NAALADL2: variants seen among roughly 807,000 people sequenced by gnomAD.
NAALADL2 encodes N-acetylated alpha-linked acidic dipeptidase like 2.
NAALADL2 carries 76 observed loss-of-function variants against 87.2 expected under a neutral mutation model. That is an observed-to-expected ratio of 0.87 (90% CI 0.72 to 1.05). NAALADL2 has a LOEUF of 1.05. Among genes scored for constraint, NAALADL2 ranks in the 50% least tolerant of loss-of-function variants. The probability of loss-of-function intolerance (pLI) is 0.00; values close to 1 mark genes in which losing one functional copy is unlikely to be tolerated. For missense variants in NAALADL2, 1,089 were observed against 945.8 expected, an observed-to-expected ratio of 1.15 and a Z score of -1.99; for synonymous variants, 354 against 331.0, an observed-to-expected ratio of 1.07 and a Z score of -0.75.
intron 2 of NAALADL2, among the ~76,000 whole-genome samples, chr3:174,629,490 T>C (rs1196391072): frequency 6.6e-6 from 1 of 152,234 alleles, no homozygotes; most frequent in East Asian, 1.9e-4. Flanking sequence ...CTCTTTTGAT[T>C]TGCACACAAT....
At chr3:175,414,597 T>C (rs1220409624) in intron 5 of NAALADL2, among the ~76,000 whole-genome samples, 1 of 152,182 alleles carries the variant, frequency 6.6e-6, no homozygotes, top group Non-Finnish European at 1.5e-5. Context: ...TATTATATGC[T>C]AAAAGAAAGG....
intron 3 of NAALADL2, among the ~76,000 whole-genome samples, chr3:174,846,882 C>T (rs1724681869): frequency 2.0e-5 from 3 of 151,966 alleles, no homozygotes; most frequent in Admixed American, 6.6e-5. Context: ...AGATATAAGA[C>T]CATAGATGAG....
chr3:175,140,606 G>C (rs577181699), intron 2 of NAALADL2, among the ~76,000 whole-genome samples: 3 of 152,208 alleles, frequency 2.0e-5, no homozygotes, highest in Admixed American at 2.0e-4. Flanking sequence ...ACATACCATG[G>C]GGGGAGGTGC....
chr3:175,786,386 G>A (rs1443458412), intron 13 of NAALADL2, among the ~76,000 whole-genome samples: 2 of 152,186 alleles, frequency 1.3e-5, no homozygotes, highest in Non-Finnish European at 2.9e-5. Context: ...ACTTCTTGGA[G>A]GCTTTGCTCA....
At chr3:175,040,080 C>CTCCA (rs1189243696) in intron 1 of NAALADL2, among the ~76,000 whole-genome samples, 1 of 152,188 alleles carries the variant, frequency 6.6e-6, no homozygotes, top group Non-Finnish European at 1.5e-5. Context: ...CTCTTACAAG[C>CTCCA]TCCAGTCTTG....
chr3:175,441,024 G>T (rs1358653469), intron 5 of NAALADL2, among the ~76,000 whole-genome samples: 1 of 151,824 alleles, frequency 6.6e-6, no homozygotes, highest in Admixed American at 6.6e-5. Flanking sequence ...TAGTTAATTT[G>T]GGGGAGGGTG....
chr3:175,572,680 G>A (rs1718263384), intron 9 of NAALADL2, among the ~76,000 whole-genome samples: 1 of 152,192 alleles, frequency 6.6e-6, no homozygotes, highest in Non-Finnish European at 1.5e-5. Flanking sequence ...GCTATAGCAA[G>A]AACAGAGAGA....
At chr3:174,526,533 G>A (rs113142414) in intron 1 of NAALADL2, among the ~76,000 whole-genome samples, 3,083 of 152,000 alleles carry the variant, frequency 0.02, 106 homozygotes, top group African/African-American at 0.07. Context: ...TATTATTTGT[G>A]GTAAATGGAT....
At chr3:175,781,075 A>G (rs1431937941) in intron 13 of NAALADL2, among the ~76,000 whole-genome samples, 1 of 152,194 alleles carries the variant, frequency 6.6e-6, no homozygotes, top group African/African-American at 2.4e-5. Context: ...GTCAACACTT[A>G]TTTTTAAGAG....
At position 175,240,676 on chromosome 3, in the gene NAALADL2, A is replaced by T. The variant is rs552004964; in HGVS notation, c.819+6472A>T. Among the ~76,000 whole-genome samples the T allele has an allele frequency of 8.5e-5, 13 of 152,294 alleles. 1 individual carries two copies. In the East Asian group the frequency reaches 2.5e-3, roughly 29 times the overall value. On this transcript the variant is annotated intron_variant, in intron 3 of 13. Coordinates refer to ENST00000454872, the MANE Select transcript of NAALADL2 (RefSeq NM_207015.3). ...TTTGTTTGTTTGTTTGTTTTTTGAG[A>T]TGGAGTTTCGCTCTTGTTGCCCAGG...
chr3:175,415,388 G>A (rs1560514598), intron 5 of NAALADL2, among the ~76,000 whole-genome samples: 2 of 152,046 alleles, frequency 1.3e-5, no homozygotes, highest in African/African-American at 4.8e-5. Flanking sequence ...AGAACAACTC[G>A]GTTAAGCTGC....
chr3:174,488,552 T>G (rs925052526), intron 1 of NAALADL2, among the ~76,000 whole-genome samples: 1 of 152,072 alleles, frequency 6.6e-6, no homozygotes, highest in Non-Finnish European at 1.5e-5. Context: ...TTACTAAGGA[T>G]GCAGTATGTA....
At chr3:174,802,577 C>T (rs548707625) in intron 3 of NAALADL2, among the ~76,000 whole-genome samples, 185 of 152,234 alleles carry the variant, frequency 1.2e-3, no homozygotes, top group Non-Finnish European at 1.6e-3. Flanking sequence ...TGGTTTGCTG[C>T]GACCATCAAT....
At chr3:175,256,618 T>A in intron 4 of NAALADL2, 88 bp downstream of exon 4, 1 of 1,313,646 alleles carries the variant, frequency 7.6e-7, no homozygotes, top group Non-Finnish European at 1.1e-6. Context: ...GTGGAGTGTG[T>A]GTGTGCATAT....
chr3:175,389,257 A>T (rs1768788778), intron 5 of NAALADL2, among the ~76,000 whole-genome samples: 1 of 152,090 alleles, frequency 6.6e-6, no homozygotes, highest in Non-Finnish European at 1.5e-5. Context: ...ATAGGGTTGG[A>T]TTTTTTCCAG....
At chr3:174,450,668 A>C (rs921170792) in intron 1 of NAALADL2, among the ~76,000 whole-genome samples, 4 of 152,012 alleles carry the variant, frequency 2.6e-5, no homozygotes, top group African/African-American at 9.7e-5. Flanking sequence ...TCAGGAGTTC[A>C]AGACCAGCCT....
intron 1 of NAALADL2, among the ~76,000 whole-genome samples, chr3:174,868,365 A>C (rs926479962): frequency 6.6e-6 from 1 of 152,160 alleles, no homozygotes; most frequent in Non-Finnish European, 1.5e-5. Flanking sequence ...TGTATATATT[A>C]GGCATATGCC....
intron 9 of NAALADL2, among the ~76,000 whole-genome samples, chr3:175,511,173 T>TA (rs1237898903): frequency 6.6e-6 from 1 of 152,188 alleles, no homozygotes; most frequent in Non-Finnish European, 1.5e-5. Context: ...CGTTCCTAGA[T>TA]AACCTGACCC....
chr3:174,908,912 A>G (rs889395852), intron 1 of NAALADL2, among the ~76,000 whole-genome samples: 2 of 152,012 alleles, frequency 1.3e-5, no homozygotes, highest in Non-Finnish European at 2.9e-5. Flanking sequence ...AGGGATGGCT[A>G]TAGCAACCTT....
Sources: allele counts gnomAD v4.1 joint callset (sites outside exome capture counted in the v4.1 genomes callset), GRCh38; gene constraint gnomAD v4.1.1; transcripts MANE v1.5; gene names NCBI Gene and HGNC (gene_info 2026-07-23, HGNC 2026-07-21).